LINGO2: variants seen among roughly 807,000 people sequenced by gnomAD.
LINGO2 encodes the protein leucine-rich repeat and immunoglobulin-like domain-containing nogo receptor-interacting protein 2.
LINGO2 carries 14 observed loss-of-function variants against 30.6 expected under a neutral mutation model. The observed-to-expected ratio is 0.46, with a 90% CI of 0.30 to 0.72. The LOEUF is 0.72. LINGO2 is among the 30% of genes least tolerant of loss of function. The pLI is 0.07. For missense variants in LINGO2, 729 were observed against 751.7 expected, an observed-to-expected ratio of 0.97 and a Z score of 0.35; for synonymous variants, 317 against 288.5, an observed-to-expected ratio of 1.10 and a Z score of -1.00.
Position 28,517,784 on chromosome 9 carries a change from G to A in LINGO2, c.-364-41759C>T, listed in dbSNP as rs77170113. ...TGCTTGAAGCATATTTTCACACTGC[G>A]GAAATGTTTACTCTACCCAGAAGCC... is the stretch of plus-strand genomic sequence containing the variant. On this transcript the variant is annotated intron_variant, in intron 1 of 5. Transcript: ENST00000379992. 5.6e-3 allele frequency among the ~76,000 whole-genome samples: 847 copies of A among 152,084 alleles called. 10 individuals carry two copies. The highest frequency in any genetic ancestry group is 0.02 in the African/African-American group (811 of 41,470).
chr9:28,825,642 A>G, the LINGO2 span, among the ~76,000 whole-genome samples: 1 of 151,990 alleles, frequency 6.6e-6, no homozygotes, highest in African/African-American at 2.4e-5. Context: ...CCACCATCCT[A>G]CATTAACCCT....
the LINGO2 span, among the ~76,000 whole-genome samples, chr9:28,766,267 AT>A: frequency 6.6e-6 from 1 of 152,008 alleles, no homozygotes; most frequent in Admixed American, 6.6e-5. Context: ...AAATAACCCA[AT>A]TTAAAAAAAG....
At chr9:28,341,757 T>C (rs574944150) in intron 3 of LINGO2, among the ~76,000 whole-genome samples, 1 of 152,188 alleles carries the variant, frequency 6.6e-6, no homozygotes, top group African/African-American at 2.4e-5. Flanking sequence ...ATAAGTATCC[T>C]AGACTGGCCT....
the LINGO2 span, among the ~76,000 whole-genome samples, chr9:29,085,910 C>A: frequency 2.6e-5 from 4 of 152,160 alleles, no homozygotes; most frequent in Non-Finnish European, 5.9e-5. Context: ...AGCCTCTACA[C>A]TACTTATTCC....
chr9:28,990,636 C>T, the LINGO2 span, among the ~76,000 whole-genome samples: 7 of 152,114 alleles, frequency 4.6e-5, no homozygotes, highest in Admixed American at 6.5e-5. Flanking sequence ...CCTCACACGG[C>T]CGGGTACTCC....
intron 4 of LINGO2, among the ~76,000 whole-genome samples, chr9:28,247,989 A>G (rs1026732082): frequency 3.3e-5 from 5 of 152,178 alleles, no homozygotes; most frequent in Non-Finnish European, 5.9e-5. Flanking sequence ...AAAAAAGGCA[A>G]CCCTCATACA....
intron 1 of LINGO2, among the ~76,000 whole-genome samples, chr9:28,575,648 A>G (rs551883445): frequency 6.6e-6 from 1 of 152,172 alleles, no homozygotes; most frequent in African/African-American, 2.4e-5. Flanking sequence ...GCAATATACA[A>G]TTTACCCATA....
At chr9:28,770,570 T>C in the LINGO2 span, among the ~76,000 whole-genome samples, 1 of 152,238 alleles carries the variant, frequency 6.6e-6, no homozygotes, top group Admixed American at 6.5e-5. Flanking sequence ...CCGAAAATTC[T>C]ACACTGTAGT....
At chr9:28,589,564 G>C (rs1824760400) in intron 1 of LINGO2, among the ~76,000 whole-genome samples, 1 of 152,052 alleles carries the variant, frequency 6.6e-6, no homozygotes, top group African/African-American at 2.4e-5. Context: ...GCTTCAAAGA[G>C]AATAAAATAC....
At chr9:28,818,667 T>C in the LINGO2 span, among the ~76,000 whole-genome samples, 1,522 of 152,292 alleles carry the variant, frequency 1.0e-2, 31 homozygotes, top group African/African-American at 0.034. Context: ...ATTACAGGCA[T>C]GAGCCACTGT....
At chr9:28,069,344 A>G (rs1054039732) in intron 4 of LINGO2, among the ~76,000 whole-genome samples, 3 of 152,180 alleles carry the variant, frequency 2.0e-5, no homozygotes, top group Admixed American at 2.0e-4. Context: ...TTAGCAATAG[A>G]TCACTCCAAG....
At chr9:29,092,583 T>G in the LINGO2 span, among the ~76,000 whole-genome samples, 3 of 88,900 alleles carry the variant, frequency 3.4e-5, 1 homozygote, top group Non-Finnish European at 7.3e-5. Context: ...CATTTTTCCA[T>G]GTATTACATG....
the LINGO2 span, among the ~76,000 whole-genome samples, chr9:28,993,520 G>A: frequency 2.0e-5 from 3 of 151,856 alleles, no homozygotes; most frequent in African/African-American, 4.8e-5. Flanking sequence ...ATTTTATGAG[G>A]CCAGCATCAT....
chr9:29,188,249 G>C, the LINGO2 span, among the ~76,000 whole-genome samples: 2 of 151,620 alleles, frequency 1.3e-5, no homozygotes, highest in Non-Finnish European at 2.9e-5. Flanking sequence ...TCAAGCATCT[G>C]TTTAACAAAG....
chr9:28,639,031 G>A (rs546767256), intron 1 of LINGO2, among the ~76,000 whole-genome samples: 94 of 152,046 alleles, frequency 6.2e-4, no homozygotes, highest in Non-Finnish European at 1.1e-3. Context: ...CTTTGTTCTC[G>A]TTGGTTTCAA....
the LINGO2 span, among the ~76,000 whole-genome samples, chr9:28,740,362 A>G: frequency 6.6e-6 from 1 of 151,818 alleles, no homozygotes; most frequent in African/African-American, 2.4e-5. Flanking sequence ...ATATCCATGT[A>G]TATTTTTGAA....
At chr9:28,445,552 C>T (rs766125477) in intron 2 of LINGO2, among the ~76,000 whole-genome samples, 6 of 152,052 alleles carry the variant, frequency 3.9e-5, no homozygotes, top group Non-Finnish European at 7.4e-5. Context: ...GGTCTATCAA[C>T]ATTTAAAATT....
At chr9:28,506,479 C>CACAGACATATATATATAT (rs1260518228) in intron 1 of LINGO2, among the ~76,000 whole-genome samples, 2 of 11,364 alleles carry the variant, frequency 1.8e-4, no homozygotes, top group African/African-American at 3.1e-4. Flanking sequence ...CACACACACA[C>CACAGACATATATATATAT]ATACACATAC....
At chr9:27,973,682 C>A (rs147402079) in intron 5 of LINGO2, among the ~76,000 whole-genome samples, 496 of 152,260 alleles carry the variant, frequency 3.3e-3, no homozygotes, top group African/African-American at 0.011. Flanking sequence ...TCAGATATAG[C>A]TTCTGAGTAT....
Sources: gnomAD v4.1 joint callset for allele counts (sites outside exome capture counted in the v4.1 genomes callset) on GRCh38, gnomAD v4.1.1 for gene constraint, MANE v1.5 for transcripts, NCBI Gene and HGNC (gene_info 2026-07-23, HGNC 2026-07-21) for gene names.